The following SAMD5 variants were observed in gnomAD, a reference collection of about 807,000 sequenced individuals.
SAMD5 encodes sterile alpha motif domain-containing protein 5.
A neutral mutation model predicts 11.3 loss-of-function variants in SAMD5; 13 were observed. That is an observed-to-expected ratio of 1.15 (90% CI 0.75 to 1.83). SAMD5 has a LOEUF of 1.83. Ranked by LOEUF, SAMD5 falls within the 40% of genes most tolerant of loss-of-function variation. The pLI, the probability that SAMD5 is intolerant of heterozygous loss-of-function variation, is 0.00. For synonymous variants in SAMD5, 129 were observed against 111.3 expected (o/e 1.16, Z -1.00); for missense variants, 255 against 239.1 (o/e 1.07, Z -0.44).
intron 1 of SAMD5, among the ~76,000 whole-genome samples, chr6:147,595,954 A>T (rs1232443762): frequency 6.6e-6 from 1 of 152,154 alleles, no homozygotes; most frequent in African/African-American, 2.4e-5. Context: ...TATTATTAGG[A>T]TGTACATGAA....
the SAMD5 span, among the ~76,000 whole-genome samples, chr6:147,815,477 G>T: frequency 6.6e-6 from 1 of 152,282 alleles, no homozygotes. Flanking sequence ...GCACCAAGAA[G>T]GGAGTGCTCT....
intron 1 of SAMD5, among the ~76,000 whole-genome samples, chr6:147,623,404 A>G (rs1282565210): frequency 6.6e-6 from 1 of 152,218 alleles, no homozygotes; most frequent in Non-Finnish European, 1.5e-5. Flanking sequence ...AAGGACTTTG[A>G]CACAAAAATT....
the SAMD5 span, among the ~76,000 whole-genome samples, chr6:147,792,953 A>C: frequency 2.0e-5 from 3 of 152,250 alleles, no homozygotes; most frequent in African/African-American, 7.2e-5. Context: ...AGACGAATAG[A>C]TACATCTCCC....
intron 1 of SAMD5, among the ~76,000 whole-genome samples, chr6:147,733,058 G>A (rs1791740365): frequency 6.6e-6 from 1 of 152,132 alleles, no homozygotes; most frequent in South Asian, 2.1e-4. Flanking sequence ...TTCCTAGTTA[G>A]GTCTATCAGG....
chr6:147,671,649 C>T (rs1790796745), intron 1 of SAMD5, among the ~76,000 whole-genome samples: 1 of 152,076 alleles, frequency 6.6e-6, no homozygotes, highest in South Asian at 2.1e-4. Flanking sequence ...TGCTTAATAT[C>T]TTCAACAAAT....
intron 1 of SAMD5, 34 bp downstream of exon 1, chr6:147,509,421 G>C (rs773682158): frequency 2.0e-6 from 3 of 1,491,304 alleles, no homozygotes; most frequent in Non-Finnish European, 2.7e-6. Flanking sequence ...CCCGGGGCGC[G>C]CGGCGGGAGG....
chr6:147,940,437 C>T, the SAMD5 span, among the ~76,000 whole-genome samples: 2 of 152,164 alleles, frequency 1.3e-5, no homozygotes, highest in African/African-American at 4.8e-5. Context: ...CAGCGCCCTG[C>T]TGTATGCTTT....
chr6:147,824,116 C>T, the SAMD5 span, among the ~76,000 whole-genome samples: 2 of 152,186 alleles, frequency 1.3e-5, no homozygotes, highest in Non-Finnish European at 1.5e-5. Flanking sequence ...CATCTTCATT[C>T]AACACTTGGG....
At chr6:147,641,712 C>T (rs1378260513) in intron 1 of SAMD5, among the ~76,000 whole-genome samples, 3 of 152,018 alleles carry the variant, frequency 2.0e-5, no homozygotes, top group Admixed American at 2.0e-4. Flanking sequence ...GGTTAACATC[C>T]AGCGGTCTCA....
the SAMD5 span, among the ~76,000 whole-genome samples, chr6:147,909,588 C>CT: frequency 1.5e-5 from 1 of 67,194 alleles, no homozygotes; most frequent in Non-Finnish European, 2.6e-5. Flanking sequence ...TTCTTTCTTT[C>CT]TTTCTTTCTT....
At chr6:147,909,630 T>C in the SAMD5 span, among the ~76,000 whole-genome samples, 376 of 43,372 alleles carry the variant, frequency 8.7e-3, 1 homozygote, top group African/African-American at 0.021. Context: ...CTTTCTTTCT[T>C]TCTCTTTCTT....
chr6:147,515,989 A>G (rs1789697), intron 1 of SAMD5, among the ~76,000 whole-genome samples: 70,430 of 152,012 alleles, frequency 0.46, 19,244 homozygotes, highest in African/African-American at 0.77. Flanking sequence ...TCTCTGCAGC[A>G]TGGCCAGGAC....
chr6:147,526,895 A>ATTC (rs1271812218), intron 1 of SAMD5, among the ~76,000 whole-genome samples: 12 of 152,220 alleles, frequency 7.9e-5, no homozygotes, highest in African/African-American at 2.7e-4. Flanking sequence ...TCATTCCAGA[A>ATTC]ACTGGGACCT....
the SAMD5 span, among the ~76,000 whole-genome samples, chr6:147,907,269 G>A: frequency 2.6e-5 from 4 of 152,172 alleles, no homozygotes; most frequent in Admixed American, 6.5e-5. Context: ...CACTTTGGGA[G>A]GCATAAGGCT....
chr6:147,952,166 T>C, the SAMD5 span, among the ~76,000 whole-genome samples: 4 of 152,130 alleles, frequency 2.6e-5, no homozygotes, highest in African/African-American at 9.7e-5. Context: ...AATCGGTGCT[T>C]GAGGACTCAG....
chr6:147,522,561 G>T (rs1788270101), intron 1 of SAMD5, among the ~76,000 whole-genome samples: 4 of 152,152 alleles, frequency 2.6e-5, no homozygotes, highest in Admixed American at 2.6e-4. Flanking sequence ...GTAAAAAAAT[G>T]AAACTATAGC....
the SAMD5 span, among the ~76,000 whole-genome samples, chr6:147,777,158 TTC>T: frequency 3.9e-5 from 6 of 152,026 alleles, no homozygotes; most frequent in Non-Finnish European, 8.8e-5. Flanking sequence ...GACTTTTTTT[TTC>T]TCTCTCTCTC....
At chr6:147,826,771 A>C in the SAMD5 span, among the ~76,000 whole-genome samples, 1 of 152,154 alleles carries the variant, frequency 6.6e-6, no homozygotes, top group Admixed American at 6.5e-5. Flanking sequence ...AGATTAATCT[A>C]GGGTCATCAT....
the SAMD5 span, among the ~76,000 whole-genome samples, chr6:147,950,531 C>G: frequency 1.3e-5 from 2 of 152,162 alleles, no homozygotes; most frequent in Non-Finnish European, 2.9e-5. Context: ...TTGGCCCCGA[C>G]CTGGTATGAC....
Sources: gnomAD v4.1 joint callset for allele counts (sites outside exome capture counted in the v4.1 genomes callset) on GRCh38, gnomAD v4.1.1 for gene constraint, MANE v1.5 for transcripts, NCBI Gene and HGNC (gene_info 2026-07-23, HGNC 2026-07-21) for gene names.